PPP1R9A: variants seen among roughly 807,000 people sequenced by gnomAD.
PPP1R9A encodes neurabin-1.
In PPP1R9A, 59 loss-of-function variants were observed where a neutral mutation model predicts 141.9. The observed-to-expected ratio is 0.42, with a 90% CI of 0.34 to 0.52. PPP1R9A has a LOEUF of 0.52. PPP1R9A is among the 20% of genes least tolerant of loss of function. The pLI is 0.10. For missense variants in PPP1R9A, 1,444 were observed against 1,611.9 expected (o/e 0.90, Z 1.78); for synonymous variants, 500 against 569.7 (o/e 0.88, Z 1.74).
Position 95,220,968 on chromosome 7 carries a change from A to G in PPP1R9A, c.1957-4993A>G, listed in dbSNP as rs554340293. The stretch of plus-strand genomic sequence containing the variant: ...GTGCCTACCCCAAACTGGGAATATA[A>G]GTAGAGGAACAGGTATATATAGAGG... On this transcript the variant is annotated intron_variant, in intron 7 of 19. Transcript: ENST00000433360. Among the ~76,000 whole-genome samples the G allele has an allele frequency of 5.3e-5, 8 of 152,204 alleles. No individual in the cohort carries two copies. In the South Asian group the frequency reaches 1.0e-3, roughly 20 times the overall value.
intron 2 of PPP1R9A, among the ~76,000 whole-genome samples, chr7:94,984,042 G>T (rs982571119): frequency 2.0e-5 from 3 of 152,094 alleles, no homozygotes; most frequent in Non-Finnish European, 2.9e-5. Flanking sequence ...TAGCATGAAG[G>T]CCTGTTGAAT....
At chr7:95,159,925 CAAAAAAAA>C (rs751687197) in intron 4 of PPP1R9A, among the ~76,000 whole-genome samples, 7 of 106,686 alleles carry the variant, frequency 6.6e-5, no homozygotes, top group Non-Finnish European at 1.1e-4. Context: ...GACATTGTCT[CAAAAAAAA>C]AAAAAAAAAG....
At chr7:95,088,670 G>A (rs1050305834) in intron 2 of PPP1R9A, among the ~76,000 whole-genome samples, 3 of 151,966 alleles carry the variant, frequency 2.0e-5, no homozygotes, top group Non-Finnish European at 4.4e-5. Flanking sequence ...CTAGGTAGGA[G>A]GTTGTTACAC....
intron 5 of PPP1R9A, among the ~76,000 whole-genome samples, chr7:95,194,370 A>T (rs1283970593): frequency 2.0e-5 from 3 of 152,042 alleles, no homozygotes; most frequent in African/African-American, 7.2e-5. Flanking sequence ...GCAGTCTAGA[A>T]CTCATATTCT....
rs149020526 is a variant in PPP1R9A at position 95,050,112 on chromosome 7, T to C, written c.1396-61147T>C. Reference sequence around the variant, plus strand: ...TCCAAAGTGGCTGTACCAGCAATGATGAGAGCTCCTGTTGTATCACGTCCT... The same window carrying C: ...TCCAAAGTGGCTGTACCAGCAATGACGAGAGCTCCTGTTGTATCACGTCCT... On this transcript the variant is annotated intron_variant, in intron 2 of 19. Transcript: ENST00000433360. Among the ~76,000 whole-genome samples, 581 of 152,308 alleles carry C rather than the reference T, an allele frequency of 3.8e-3. 6 individuals carry two copies. The highest frequency in any genetic ancestry group is 0.013 in the African/African-American group (549 of 41,570).
At chr7:95,247,821 T>C (rs1289659074) in intron 9 of PPP1R9A, among the ~76,000 whole-genome samples, 3 of 152,206 alleles carry the variant, frequency 2.0e-5, no homozygotes, top group Non-Finnish European at 2.9e-5. Context: ...ATGCAAAGTA[T>C]GTTTTGATTA....
At chr7:94,993,341 C>T (rs1036070988) in intron 2 of PPP1R9A, among the ~76,000 whole-genome samples, 1 of 152,002 alleles carries the variant, frequency 6.6e-6, no homozygotes, top group African/African-American at 2.4e-5. Flanking sequence ...GAACAGTTAG[C>T]CTTTGAACTG....
chr7:95,046,787 G>C (rs1810081598), intron 2 of PPP1R9A, among the ~76,000 whole-genome samples: 1 of 152,112 alleles, frequency 6.6e-6, no homozygotes. Context: ...GATTAAATTA[G>C]ACCAGTAATA....
intron 5 of PPP1R9A, among the ~76,000 whole-genome samples, chr7:95,188,569 T>G (rs1028664984): frequency 4.7e-5 from 7 of 149,396 alleles, no homozygotes; most frequent in Admixed American, 1.3e-4. Context: ...TGTTTTTGTT[T>G]GTGTGTGTGT....
chr7:95,213,866 A>G lies in PPP1R9A; in HGVS notation c.1956+10136A>G, dbSNP rs150235638. Among the ~76,000 whole-genome samples, 649 of 152,290 alleles carry G rather than the reference A, an allele frequency of 4.3e-3. 4 individuals carry two copies. The highest frequency in any genetic ancestry group is 0.014 in the African/African-American group (585 of 41,566). ...AGGCTGCACCTTCACCACTGTGTTT[A>G]GAAGTCTACTTAGCCAGATCACCCT... On this transcript the variant is annotated intron_variant, in intron 7 of 19. Transcript: ENST00000433360.
chr7:95,102,808 AAGTTC>A (rs1197592118), intron 2 of PPP1R9A, among the ~76,000 whole-genome samples: 1 of 152,124 alleles, frequency 6.6e-6, no homozygotes, highest in East Asian at 1.9e-4. Flanking sequence ...AAATACCAAA[AAGTTC>A]AGTTTTGCAG....
intron 16 of PPP1R9A, among the ~76,000 whole-genome samples, chr7:95,278,017 G>C (rs1043670046): frequency 6.6e-6 from 1 of 152,132 alleles, no homozygotes; most frequent in Non-Finnish European, 1.5e-5. Context: ...AAATGATAAG[G>C]AAAGGAGATG....
chr7:94,998,710 T>C (rs1479683280), intron 2 of PPP1R9A, among the ~76,000 whole-genome samples: 8 of 152,192 alleles, frequency 5.3e-5, no homozygotes, highest in African/African-American at 1.4e-4. Flanking sequence ...GTATATAAGA[T>C]TTCTGCTTAT....
chr7:94,933,095 A>G (rs998518482), intron 2 of PPP1R9A, among the ~76,000 whole-genome samples: 5 of 152,068 alleles, frequency 3.3e-5, no homozygotes, highest in Admixed American at 3.3e-4. Flanking sequence ...ATATATACAC[A>G]GCATATTTAG....
intron 4 of PPP1R9A, among the ~76,000 whole-genome samples, chr7:95,141,698 T>A (rs1032677409): frequency 6.6e-6 from 1 of 152,150 alleles, no homozygotes; most frequent in African/African-American, 2.4e-5. Context: ...CATTTATCAG[T>A]ACTTAATTCA....
At chr7:95,064,563 GA>G (rs980948263) in intron 2 of PPP1R9A, among the ~76,000 whole-genome samples, 4 of 152,188 alleles carry the variant, frequency 2.6e-5, no homozygotes, top group Non-Finnish European at 5.9e-5. Flanking sequence ...AAAAATGAAG[GA>G]AAAGTGCACC....
At chr7:95,069,017 G>T (rs1417787529) in intron 2 of PPP1R9A, among the ~76,000 whole-genome samples, 1 of 152,148 alleles carries the variant, frequency 6.6e-6, no homozygotes, top group Non-Finnish European at 1.5e-5. Context: ...ACGTCCTCCT[G>T]TCTACTTTAA....
At position 95,198,434 on chromosome 7, in the gene PPP1R9A, A is replaced by G. The variant is rs777529193; in HGVS notation, c.1840A>G (p.Arg614Gly). The stretch of plus-strand genomic sequence containing the variant: ...GACACTGGAACAGGAGAGGCGCCAG[A>G]GAGAGCTGCTGGAACAGCACTATGC... ...SQTLEQERRQ[R>G]ELLEQHYAQY... The change falls in exon 6 of 20, where the codon AGA (arginine) becomes GGA (glycine). Residue 614 changes from arginine (R) to glycine (G), a missense_variant. Arg to Gly is a moderately radical substitution (Grantham distance 125, BLOSUM62 -2). Transcript: ENST00000433360. 4 of 1,613,350 alleles carry G rather than the reference A, an allele frequency of 2.5e-6. No individual in the cohort carries two copies. In the South Asian group the frequency reaches 4.4e-5, roughly 18 times the overall value.
chr7:95,169,063 A>T (rs566475604), intron 5 of PPP1R9A, among the ~76,000 whole-genome samples: 1 of 152,114 alleles, frequency 6.6e-6, no homozygotes, highest in African/African-American at 2.4e-5. Context: ...AAATCAGTAT[A>T]TCAAAGAGAT....
Sources: allele counts gnomAD v4.1 joint callset (sites outside exome capture counted in the v4.1 genomes callset), GRCh38; gene constraint gnomAD v4.1.1; transcripts MANE v1.5; gene names NCBI Gene and HGNC (gene_info 2026-07-23, HGNC 2026-07-21).